Variants in RGMA observed in about 807,000 individuals in gnomAD.
RGMA encodes repulsive guidance molecule A.
A neutral mutation model predicts 23.2 loss-of-function variants in RGMA; 10 were observed. The ratio of observed to expected loss-of-function variants is 0.43; its 90% CI spans 0.27 to 0.73. The LOEUF (loss-of-function observed/expected upper bound fraction) is 0.73, where lower values mean the gene tolerates loss of function less well. Among genes scored for constraint, RGMA ranks in the 30% least tolerant of loss-of-function variants. The probability of loss-of-function intolerance (pLI) is 0.20; values close to 1 mark genes in which losing one functional copy is unlikely to be tolerated. For missense variants in RGMA, 547 were observed against 630.5 expected (o/e 0.87, Z 1.42); for synonymous variants, 308 against 279.3 (o/e 1.10, Z -1.03).
Position 93,044,847 on chromosome 15 carries a change from T to C in RGMA, c.*151A>G. 1.6e-6 allele frequency: 1 copy of C among 638,372 alleles called. No homozygotes were observed. The highest frequency in any genetic ancestry group is 2.7e-6 in the Non-Finnish European group (1 of 366,480). 39.5% of individuals were successfully genotyped at this position (638,372 alleles called of 1,614,324 possible). A position where few individuals can be genotyped will look rare whatever the true frequency, so the allele number is the denominator to read the frequency against. The stretch of plus-strand genomic sequence containing the variant: ...GTCACGTGCACTAGAAGGGGAGGGG[T>C]CCGTGCCTGAGCCCTTGGCAGCAGG... On this transcript the variant is annotated 3_prime_UTR_variant, in exon 4 of 4. Coordinates refer to ENST00000329082, the MANE Select transcript of RGMA (RefSeq NM_020211.3).
chr15:93,080,486 G>A (rs200384995), intron 1 of RGMA, among the ~76,000 whole-genome samples: 87 of 152,276 alleles, frequency 5.7e-4, no homozygotes, highest in Non-Finnish European at 8.8e-4. Flanking sequence ...TGAGGTTTGG[G>A]CAGCTCTGGG....
At chr15:93,088,801 G>A in intron 1 of RGMA, 118 bp downstream of exon 1, 1 of 989,898 alleles carries the variant, frequency 1.0e-6, no homozygotes, top group Non-Finnish European at 1.5e-6. Context: ...GGGCAAGATG[G>A]GAGCAAGATG....
chr15:93,038,396 T>C lies in RGMA; in HGVS notation c.*6602A>G, dbSNP rs1295607857. 1 of 152,168 alleles carries C rather than the reference T, an allele frequency of 6.6e-6. No individual in the cohort carries two copies. The highest frequency in any genetic ancestry group is 1.5e-5 in the Non-Finnish European group (1 of 68,042). The allele number at this position is 152,168 out of a possible 1,614,324, so 9.4% of individuals were successfully genotyped here. A position where few individuals can be genotyped will look rare whatever the true frequency, so the allele number is the denominator to read the frequency against. ...CAGGAAAGTGCAGTCCCTGCCCTTGTGTGTCTTGTCTGCTGGGAGACACAG... is the reference window on the plus strand; with the variant it reads ...CAGGAAAGTGCAGTCCCTGCCCTTGCGTGTCTTGTCTGCTGGGAGACACAG... On this transcript the variant is annotated 3_prime_UTR_variant, in exon 4 of 4. Coordinates refer to ENST00000329082, the MANE Select transcript of RGMA (RefSeq NM_020211.3).
At position 93,089,159 on chromosome 15, in the gene RGMA, C is replaced by T. The variant is rs1567198749; in HGVS notation, c.-227G>A. ...CCGGGAGCGAACGGCCAGTGCTTCCCCGGCCCAGCGGCTCGGGCGGCGCAG... is the reference window on the plus strand; with the variant it reads ...CCGGGAGCGAACGGCCAGTGCTTCCTCGGCCCAGCGGCTCGGGCGGCGCAG... On this transcript the variant is annotated 5_prime_UTR_variant, in exon 1 of 4. Transcript: ENST00000329082. 3.2e-6 allele frequency: 1 copy of T among 312,882 alleles called. No homozygotes were observed. Among genetic ancestry groups the T allele is most frequent in the Non-Finnish European group, 5.8e-6 (1 of 171,780 alleles). The allele number at this position is 312,882 out of a possible 1,614,324, so 19.4% of individuals were successfully genotyped here.
At chr15:93,058,950 CA>C (rs757466111) in intron 2 of RGMA, among the ~76,000 whole-genome samples, 6 of 152,172 alleles carry the variant, frequency 3.9e-5, no homozygotes, top group Non-Finnish European at 7.4e-5. Flanking sequence ...ATGATCGTGA[CA>C]ATAAAATAGC....
In RGMA at chr15:93,041,629, C is replaced by T. The variant is rs1311872306; in HGVS notation, c.*3369G>A. On this transcript the variant is annotated 3_prime_UTR_variant, in exon 4 of 4. Transcript: ENST00000329082. ...TTCTTTTTTCTTTTTCTTCTGTGTG[C>T]CCTGGCTTCTCAGGAACTGTTCTCT... 6.6e-6 allele frequency: 1 copy of T among 152,100 alleles called. No individual in the cohort carries two copies. Among genetic ancestry groups the T allele is most frequent in the Non-Finnish European group, 1.5e-5 (1 of 68,040 alleles). 9.4% of individuals were successfully genotyped at this position (152,100 alleles called of 1,614,324 possible). A position where few individuals can be genotyped will look rare whatever the true frequency, so the allele number is the denominator to read the frequency against.
chr15:93,081,641 G>A (rs888486862), intron 1 of RGMA, among the ~76,000 whole-genome samples: 4 of 152,234 alleles, frequency 2.6e-5, no homozygotes, highest in Non-Finnish European at 5.9e-5. Flanking sequence ...TGTCTGAACC[G>A]ACAGTGAGTC....
rs1369126341 is a variant in RGMA, at chr15:93,064,610, A to G, written c.130+8306T>C. ...CTGTGTTCATGTGGCATTTCTTAGCACAGGGAGCAACTGGGCTTCCTTCTG... is the reference window on the plus strand; with the variant it reads ...CTGTGTTCATGTGGCATTTCTTAGCGCAGGGAGCAACTGGGCTTCCTTCTG... On this transcript the variant is annotated intron_variant, in intron 2 of 3. Transcript: ENST00000329082. Among the ~76,000 whole-genome samples, 4 of 152,218 alleles carry G rather than the reference A, an allele frequency of 2.6e-5. No homozygotes were observed. In the South Asian group the frequency reaches 8.3e-4, roughly 32 times the overall value.
chr15:93,078,750 GT>G (rs1209951996), intron 1 of RGMA, among the ~76,000 whole-genome samples: 2 of 152,222 alleles, frequency 1.3e-5, no homozygotes, highest in Non-Finnish European at 2.9e-5. Flanking sequence ...CAACTGCCAG[GT>G]TTGGGTAGAG....
chr15:93,088,491 C>G (rs1895679254), intron 1 of RGMA: 3 of 990,884 alleles, frequency 3.0e-6, no homozygotes, highest in South Asian at 9.2e-5. Flanking sequence ...AGGAGATGGC[C>G]AGGCAGCTCC....
At chr15:93,066,998 G>A (rs1049619153) in intron 2 of RGMA, among the ~76,000 whole-genome samples, 1 of 152,212 alleles carries the variant, frequency 6.6e-6, no homozygotes, top group East Asian at 1.9e-4. Flanking sequence ...TGGCCTTAAG[G>A]CATTTGGCAG....
rs983701369 is a variant in RGMA, at chr15:93,045,873, A to G, written c.646-168T>C. Among the ~76,000 whole-genome samples, 1 of 152,238 alleles carries G rather than the reference A, an allele frequency of 6.6e-6. No individual in the cohort carries two copies. The highest frequency in any genetic ancestry group is 2.4e-5 in the African/African-American group (1 of 41,462). ...ATCAGTTCCACCTGCGCAGCTGTGC[A>G]CTTCACATTCTTTCAATGAAAACAA... On this transcript the variant is annotated intron_variant, in intron 3 of 3. Transcript: ENST00000329082. This position sits in a 1 kb window ranked among gnomAD's most constrained non-coding sequence, Gnocchi z 6.9.
At chr15:93,060,442 C>G (rs988246860) in intron 2 of RGMA, among the ~76,000 whole-genome samples, 1 of 152,186 alleles carries the variant, frequency 6.6e-6, no homozygotes, top group Non-Finnish European at 1.5e-5. Flanking sequence ...CAACAGAAAT[C>G]CCCTAAACTT....
chr15:93,059,291 T>C (rs1416958405), intron 2 of RGMA, among the ~76,000 whole-genome samples: 1 of 152,182 alleles, frequency 6.6e-6, no homozygotes, highest in Non-Finnish European at 1.5e-5. Context: ...AACCAGAAGC[T>C]TAATCGATTC....
At chr15:93,073,581 G>A in intron 1 of RGMA, 1 of 1,534,274 alleles carries the variant, frequency 6.5e-7, no homozygotes, top group Admixed American at 2.0e-5. Flanking sequence ...CCAGACTGCC[G>A]ACCCCAAGCT....
intron 2 of RGMA, among the ~76,000 whole-genome samples, chr15:93,056,652 A>G (rs573373949): frequency 1.2e-4 from 19 of 152,190 alleles, no homozygotes; most frequent in Admixed American, 8.5e-4. Flanking sequence ...GTGCCCCACT[A>G]TTCCCTCCAA....
chr15:93,073,218 G>A (rs148912324), intron 1 of RGMA, 187 bp from the exon 2 acceptor site: 118,593 of 1,159,740 alleles, frequency 0.1, 6,631 homozygotes, highest in Middle Eastern at 0.26. Flanking sequence ...TCGGTTCTCC[G>A]CCAATGTCGA....
At chr15:93,066,047 C>G (rs1895135693) in intron 2 of RGMA, 1 of 1,513,022 alleles carries the variant, frequency 6.6e-7, no homozygotes. Context: ...ATCTCTGCCA[C>G]CATGGGTGGT....
chr15:93,052,131 T>C lies in RGMA; in HGVS notation c.507A>G (p.Pro169=). The C allele has an allele frequency of 2.5e-6, 4 of 1,613,876 alleles. No individual in the cohort carries two copies. Among genetic ancestry groups the C allele is most frequent in the Non-Finnish European group, 3.4e-6 (4 of 1,179,866 alleles). Residue 169 remains proline (P), a synonymous_variant, in exon 3 of 4, where the codon CCA becomes CCG. Transcript: ENST00000329082. ...AGCGGTCGGTGAAAGTCCTGAGGTG[T>C]GGGTCCCCGAAGAGGCCACAGTGCG... The part of the protein sequence containing the change: ...NYTHCGLFGD[P]HLRTFTDRFQ...
Sources: allele counts gnomAD v4.1 joint callset (sites outside exome capture counted in the v4.1 genomes callset), GRCh38; gene constraint gnomAD v4.1.1; non-coding constraint Gnocchi (gnomAD v3.1); transcripts MANE v1.5; gene names NCBI Gene and HGNC (gene_info 2026-07-23, HGNC 2026-07-21).